IDE: variants seen among roughly 807,000 people sequenced by gnomAD.
IDE encodes insulin-degrading enzyme.
In IDE, 58 loss-of-function variants were observed where a neutral mutation model predicts 133.2. The ratio of observed to expected loss-of-function variants is 0.44; its 90% CI spans 0.35 to 0.54. IDE has a LOEUF of 0.54. IDE is among the 20% of genes least tolerant of loss of function. The probability of loss-of-function intolerance (pLI) is 0.00; values close to 1 mark genes in which losing one functional copy is unlikely to be tolerated. For synonymous variants in IDE, 396 were observed against 421.3 expected (o/e 0.94, Z 0.73); for missense variants, 981 against 1,234.0 (o/e 0.79, Z 3.07).
intron 11 of IDE, among the ~76,000 whole-genome samples, chr10:92,503,460 G>A (rs1848135741): frequency 6.6e-6 from 1 of 152,114 alleles, no homozygotes; most frequent in Non-Finnish European, 1.5e-5. Flanking sequence ...CTGAATCCTA[G>A]CATGAGGTCA....
At position 92,453,253 on chromosome 10, in the gene IDE, A is replaced by C. The variant is rs1589343692; in HGVS notation, c.*1191T>G. 2.0e-5 allele frequency: 3 copies of C among 152,220 alleles called. No individual in the cohort carries two copies. Among genetic ancestry groups the C allele is most frequent in the African/African-American group, 7.2e-5 (3 of 41,468 alleles). The allele number at this position is 152,220 out of a possible 1,614,324, so 9.4% of individuals were successfully genotyped here. On this transcript the variant is annotated 3_prime_UTR_variant, in exon 25 of 25. Coordinates refer to ENST00000265986, the MANE Select transcript of IDE (RefSeq NM_004969.4). The stretch of plus-strand genomic sequence containing the variant: ...ATTTCAAAACAGCTGTTAAATCTAC[A>C]GTAACAATTTCACCTAAAATAGTAT...
Position 92,463,979 on chromosome 10 carries a change from C to T in IDE, c.2513G>A (p.Arg838His), listed in dbSNP as rs1336144191. The change falls in exon 21 of 25, where the codon CGT becomes CAT. Residue 838 changes from arginine (R) to histidine (H), a missense_variant. Physicochemically the swap from Arg to His is conservative, Grantham distance 29 (BLOSUM62 0). This residue lies in a region of IDE where 660 missense variants were observed against 894.7 expected (regional missense o/e 0.74). Transcript: ENST00000265986. The part of the protein sequence containing the change: ...QLGYIVFSGP[R>H]RANGIQGLRF... ...CAAGCCCTGTATGCCATTAGCTCGA[C>T]GTGGCCCGCTGAAGACGATATAGCC... The T allele has an allele frequency of 5.6e-6, 9 of 1,613,620 alleles. No individual in the cohort carries two copies. The highest frequency in any genetic ancestry group is 4.4e-5 in the South Asian group (4 of 91,084).
At chr10:92,524,587 G>A (rs1849525741) in intron 4 of IDE, among the ~76,000 whole-genome samples, 1 of 120,192 alleles carries the variant, frequency 8.3e-6, no homozygotes, top group Non-Finnish European at 1.6e-5. Flanking sequence ...CATTCAACAT[G>A]ATCAAGTGGG....
chr10:92,482,524 T>C (rs983635458), intron 14 of IDE, among the ~76,000 whole-genome samples: 2 of 152,230 alleles, frequency 1.3e-5, no homozygotes, highest in Non-Finnish European at 2.9e-5. Context: ...CAGGATCATT[T>C]AGTAACTAGT....
intron 2 of IDE, among the ~76,000 whole-genome samples, chr10:92,535,483 A>AG (rs11450948): frequency 0.42 from 64,320 of 151,766 alleles, 13,824 homozygotes; most frequent in African/African-American, 0.47. Flanking sequence ...GGGGGTTACC[A>AG]CTCTACTGGC....
At chr10:92,566,386 CTA>C (rs1446486603) in intron 1 of IDE, among the ~76,000 whole-genome samples, 18 of 139,218 alleles carry the variant, frequency 1.3e-4, no homozygotes, top group East Asian at 2.0e-4. Flanking sequence ...GAGTCAGACT[CTA>C]TCTCTCTCTC....
At position 92,475,926 on chromosome 10, in the gene IDE, G is replaced by A. The variant is rs760526271; in HGVS notation, c.1953C>T (p.Thr651=). Residue 651 remains threonine, a synonymous_variant, in exon 16 of 25, where the codon ACC becomes ACT. Coordinates refer to ENST00000265986, the MANE Select transcript of IDE (RefSeq NM_004969.4). The part of the protein sequence containing the change: ...LLKKIIEKMA[T]FEIDEKRFEI... The stretch of plus-strand genomic sequence containing the variant: ...CAAATCTTTTTTCATCAATCTCAAA[G>A]GTAGCCATTTTCTCAATAATCTTCT... 1.3e-6 allele frequency: 2 copies of A among 1,539,656 alleles called. No individual in the cohort carries two copies. Among genetic ancestry groups the A allele is most frequent in the Admixed American group, 1.8e-5 (1 of 56,342 alleles).
rs1848394338 is a variant in IDE, at chr10:92,508,154, A to G, written c.1112T>C (p.Met371Thr). The G allele has an allele frequency of 6.2e-7, 1 of 1,614,084 alleles. No individual in the cohort carries two copies. The highest frequency in any genetic ancestry group is 1.1e-5 in the South Asian group (1 of 91,080). Residue 371 changes from methionine (M) to threonine (T), a missense_variant, in exon 8 of 25, where the codon ATG (methionine) becomes ACG (threonine). Met to Thr is a moderately conservative substitution (Grantham distance 81). Around this residue, in one of 2 missense-constraint regions of IDE, gnomAD observed 660 missense variants for 894.7 expected, o/e 0.74. Transcript: ENST00000265986. ...GGQKEGARGF[M>T]FFIINVDLTE... Reference sequence around the variant, plus strand: ...CAAGTCCACATTAATGATAAAAAACATAAAACCTCGGGCTCCTTCCTTCTG... The same window carrying G: ...CAAGTCCACATTAATGATAAAAAACGTAAAACCTCGGGCTCCTTCCTTCTG...
intron 1 of IDE, among the ~76,000 whole-genome samples, chr10:92,555,939 C>T (rs913340770): frequency 7.9e-5 from 12 of 151,470 alleles, no homozygotes; most frequent in Admixed American, 1.3e-4. Flanking sequence ...TTTGGGAGGC[C>T]GAGGCGGGTG....
At chr10:92,531,002 T>C (rs929353474) in intron 4 of IDE, among the ~76,000 whole-genome samples, 1 of 152,226 alleles carries the variant, frequency 6.6e-6, no homozygotes, top group African/African-American at 2.4e-5. Flanking sequence ...TATTCTTATG[T>C]ACTTTTATAA....
Position 92,469,434 on chromosome 10 carries a change from C to CT in IDE, c.2209-445dup, listed in dbSNP as rs768111694. Among the ~76,000 whole-genome samples, 935 of 144,464 alleles carry CT rather than the reference C, an allele frequency of 6.5e-3. 7 individuals are homozygous for CT. Among genetic ancestry groups the CT allele is most frequent in the African/African-American group, 0.018 (726 of 39,600 alleles). 94.8% of individuals were successfully genotyped at this position (144,464 alleles called of 152,430 possible). ...AGTGGTAGAGACCAAGGGATCTTTT[C>CT]TTTTTTTTTTTTGAGACAGGGTTTC... On this transcript the variant is annotated intron_variant, in intron 18 of 24. Coordinates refer to ENST00000265986, the MANE Select transcript of IDE (RefSeq NM_004969.4).
chr10:92,478,663 TG>T, intron 15 of IDE: 1 of 1,256,772 alleles, frequency 8.0e-7, no homozygotes, highest in South Asian at 1.3e-5. Context: ...CATTCATTCC[TG>T]ATGCAATGCC....
chr10:92,536,741 T>A (rs1318193735), intron 2 of IDE, among the ~76,000 whole-genome samples: 5 of 140,904 alleles, frequency 3.5e-5, no homozygotes, highest in East Asian at 2.2e-4. Flanking sequence ...CACAAGAACC[T>A]ATGAAATATG....
chr10:92,496,747 T>C (rs879546801), intron 11 of IDE, among the ~76,000 whole-genome samples: 1 of 152,204 alleles, frequency 6.6e-6, no homozygotes, highest in Non-Finnish European at 1.5e-5. Context: ...GATTGTGCCA[T>C]TGCACTCCAG....
intron 17 of IDE, among the ~76,000 whole-genome samples, chr10:92,472,299 C>T (rs946251004): frequency 1.1e-4 from 16 of 152,126 alleles, no homozygotes; most frequent in African/African-American, 3.4e-4. Context: ...GTGAATAAAA[C>T]CCTCAAACCT....
intron 11 of IDE, among the ~76,000 whole-genome samples, chr10:92,494,552 G>A (rs1194542384): frequency 6.6e-6 from 1 of 151,840 alleles, no homozygotes. Context: ...GGCAAGCCTG[G>A]GCAATACAGT....
chr10:92,550,394 G>C (rs745459279), intron 1 of IDE, among the ~76,000 whole-genome samples: 2 of 152,036 alleles, frequency 1.3e-5, no homozygotes, highest in African/African-American at 2.4e-5. Flanking sequence ...CATATAAAAA[G>C]ATGCTCAACA....
intron 11 of IDE, among the ~76,000 whole-genome samples, chr10:92,493,974 T>C (rs554136254): frequency 6.6e-6 from 1 of 152,270 alleles, no homozygotes; most frequent in South Asian, 2.1e-4. Flanking sequence ...GTCACAATAA[T>C]TGAAGTACAG....
intron 5 of IDE, among the ~76,000 whole-genome samples, chr10:92,513,787 T>C (rs992273195): frequency 2.0e-5 from 3 of 151,898 alleles, no homozygotes; most frequent in African/African-American, 7.2e-5. Flanking sequence ...CAATATATAT[T>C]TACCTATGAT....
Sources: allele counts gnomAD v4.1 joint callset (sites outside exome capture counted in the v4.1 genomes callset), GRCh38; gene constraint gnomAD v4.1.1; regional missense constraint gnomAD v4.1.1; transcripts MANE v1.5; gene names NCBI Gene and HGNC (gene_info 2026-07-23, HGNC 2026-07-21).